The following ACAD11 variants were observed in gnomAD, a reference collection of about 807,000 sequenced individuals.
The protein encoded by ACAD11 is acyl-Coenzyme A dehydrogenase family, member 11.
A neutral mutation model predicts 102.2 loss-of-function variants in ACAD11; 83 were observed. That is an observed-to-expected ratio of 0.81 (90% CI 0.68 to 0.97). ACAD11 has a LOEUF of 0.97. Among genes scored for constraint, ACAD11 ranks in the 50% least tolerant of loss-of-function variants. The pLI is 0.00. For synonymous variants in ACAD11, 324 were observed against 319.8 expected, an observed-to-expected ratio of 1.01 and a Z score of -0.14; for missense variants, 901 against 951.7, an observed-to-expected ratio of 0.95 and a Z score of 0.70.
rs750879841 is a variant in ACAD11 at position 132,630,418 on chromosome 3, G to A, written c.963+19C>T. On this transcript the variant is annotated intron_variant, in intron 7 of 19. Coordinates refer to ENST00000264990, the MANE Select transcript of ACAD11 (RefSeq NM_032169.5). ...ACTGGTAAATAATGGCGAAACACAC[G>A]TTTAAAACAATTAATTACCTGTGCT... The A allele has an allele frequency of 1.4e-5, 23 of 1,607,212 alleles. No homozygotes were observed. The highest frequency in any genetic ancestry group is 3.4e-5 in the South Asian group (3 of 89,452).
At chr3:132,644,265 T>C (rs1940634729) in intron 2 of ACAD11, among the ~76,000 whole-genome samples, 3 of 152,170 alleles carry the variant, frequency 2.0e-5, no homozygotes, top group African/African-American at 4.8e-5. Context: ...TGAAAATCCA[T>C]AGATAATACC....
At position 132,634,433 on chromosome 3, in the gene ACAD11, T is replaced by C. The variant is rs1232713856; in HGVS notation, c.703-2954A>G. Among the ~76,000 whole-genome samples the C allele has an allele frequency of 2.6e-5, 4 of 151,936 alleles. No individual in the cohort carries two copies. In the East Asian group the frequency reaches 5.8e-4, roughly 22 times the overall value. On this transcript the variant is annotated intron_variant, in intron 5 of 19. Coordinates refer to ENST00000264990, the MANE Select transcript of ACAD11 (RefSeq NM_032169.5). ...AGGTGCTGGAGAGGATGTGGAGAAA[T>C]AGGAACACTTTTACACTGTTGGTGG...
intron 9 of ACAD11, among the ~76,000 whole-genome samples, chr3:132,622,303 T>A (rs928417940): frequency 6.6e-6 from 1 of 152,194 alleles, no homozygotes; most frequent in African/African-American, 2.4e-5. Flanking sequence ...AAAGGTCTGC[T>A]CTTTCAAAGG....
chr3:132,619,631 C>T, intron 9 of ACAD11, 86 bp from the exon 10 acceptor site: 1 of 675,128 alleles, frequency 1.5e-6, no homozygotes, highest in South Asian at 2.4e-5. Context: ...CTAAAATAAA[C>T]ATTTTTAGGT....
intron 16 of ACAD11, among the ~76,000 whole-genome samples, chr3:132,576,287 G>T (rs1289999482): frequency 1.3e-5 from 2 of 152,166 alleles, no homozygotes; most frequent in Admixed American, 1.3e-4. Context: ...AGAAACAAAG[G>T]CAAAGGAAGA....
At chr3:132,656,508 T>C (rs907967469) in intron 1 of ACAD11, among the ~76,000 whole-genome samples, 10 of 151,900 alleles carry the variant, frequency 6.6e-5, no homozygotes, top group Non-Finnish European at 1.2e-4. Flanking sequence ...TTTTTTTTTT[T>C]TGAGACGGAG....
At chr3:132,595,110 T>C (rs902288930) in intron 13 of ACAD11, among the ~76,000 whole-genome samples, 1 of 152,086 alleles carries the variant, frequency 6.6e-6, no homozygotes, top group Non-Finnish European at 1.5e-5. Flanking sequence ...GGAGTCCAGA[T>C]GGATGAGGGT....
chr3:132,568,801 C>CAA (rs755568917), intron 17 of ACAD11, among the ~76,000 whole-genome samples: 1,485 of 68,486 alleles, frequency 0.022, 217 homozygotes, highest in African/African-American at 0.05. Context: ...CATCCACAGG[C>CAA]AAAAAAAAAA....
chr3:132,658,357 C>T (rs905925006), intron 1 of ACAD11, among the ~76,000 whole-genome samples: 9 of 152,108 alleles, frequency 5.9e-5, no homozygotes, highest in Admixed American at 5.9e-4. Flanking sequence ...AATTTTTATA[C>T]CACAACTAAT....
At chr3:132,592,748 A>T (rs1386416472) in intron 13 of ACAD11, among the ~76,000 whole-genome samples, 2 of 152,230 alleles carry the variant, frequency 1.3e-5, no homozygotes, top group Non-Finnish European at 2.9e-5. Context: ...TTTAGCTTTA[A>T]TACTAACAAT....
intron 11 of ACAD11, among the ~76,000 whole-genome samples, chr3:132,609,915 A>G (rs955542044): frequency 6.6e-6 from 1 of 152,194 alleles, no homozygotes; most frequent in Non-Finnish European, 1.5e-5. Context: ...CAACACATCA[A>G]AAAGCTTATC....
rs377025052 is a variant in ACAD11, at chr3:132,608,921, T to C, written c.1415-3716A>G. On this transcript the variant is annotated intron_variant, in intron 11 of 19. Coordinates refer to ENST00000264990, the MANE Select transcript of ACAD11 (RefSeq NM_032169.5). ...ACACTCCTCAGAAAATGCAAAAGAA[T>C]TGAAATCATAACAAAAAGACTCTCA... 1.9e-4 allele frequency among the ~76,000 whole-genome samples: 29 copies of C among 152,012 alleles called. No homozygotes were observed. In the East Asian group the frequency reaches 5.4e-3, roughly 28 times the overall value.
chr3:132,627,336 T>A (rs1184558128), intron 8 of ACAD11, among the ~76,000 whole-genome samples: 2 of 152,186 alleles, frequency 1.3e-5, no homozygotes, highest in African/African-American at 4.8e-5. Flanking sequence ...TTAATGTGTC[T>A]GTGTGCCTAA....
chr3:132,628,487 G>A (rs369900756), intron 7 of ACAD11, 41 bp from the exon 8 acceptor site: 23 of 1,386,196 alleles, frequency 1.7e-5, no homozygotes, highest in Middle Eastern at 1.9e-4. Flanking sequence ...ATTGAAAACC[G>A]TCCTTCAACA....
At chr3:132,623,417 T>C (rs942121703) in intron 9 of ACAD11, among the ~76,000 whole-genome samples, 7 of 152,188 alleles carry the variant, frequency 4.6e-5, no homozygotes, top group Non-Finnish European at 8.8e-5. Flanking sequence ...AAATATAATC[T>C]CCAAATAACA....
At chr3:132,637,537 G>A (rs908684970) in intron 5 of ACAD11, among the ~76,000 whole-genome samples, 1 of 152,124 alleles carries the variant, frequency 6.6e-6, no homozygotes, top group African/African-American at 2.4e-5. Context: ...AAGTTGACAA[G>A]TTCCAATGGA....
chr3:132,648,278 C>T (rs1940791368), intron 1 of ACAD11, among the ~76,000 whole-genome samples: 1 of 152,136 alleles, frequency 6.6e-6, no homozygotes, highest in South Asian at 2.1e-4. Context: ...AGTTCAGATG[C>T]AGTTTACTAA....
chr3:132,641,735 A>G (rs1156976830), intron 4 of ACAD11, among the ~76,000 whole-genome samples: 1 of 146,922 alleles, frequency 6.8e-6, no homozygotes, highest in Non-Finnish European at 1.5e-5. Context: ...AGAAGAAAAA[A>G]CTGTATAGTT....
At position 132,612,116 on chromosome 3, in the gene ACAD11, A is replaced by C. The variant is rs1027932134; in HGVS notation, c.1414+6518T>G. On this transcript the variant is annotated intron_variant, in intron 11 of 19. Transcript: ENST00000264990. ...CTTTGATAAACCTGACAAAAACAAG[A>C]AATGGGGAAAGGATTCCCTATTTAA... Among the ~76,000 whole-genome samples, 6 of 152,070 alleles carry C rather than the reference A, an allele frequency of 3.9e-5. No homozygotes were observed. In the South Asian group the frequency reaches 8.3e-4, roughly 21 times the overall value.
Sources: gnomAD v4.1 joint callset for allele counts (sites outside exome capture counted in the v4.1 genomes callset) on GRCh38, gnomAD v4.1.1 for gene constraint, MANE v1.5 for transcripts, NCBI Gene and HGNC (gene_info 2026-07-23, HGNC 2026-07-21) for gene names.